Variants in CLEC16A observed in about 807,000 individuals in gnomAD.
The protein encoded by CLEC16A is C-type lectin domain containing 16A, also known as protein CLEC16A.
CLEC16A carries 51 observed loss-of-function variants against 109.5 expected under a neutral mutation model. The observed-to-expected ratio is 0.47, with a 90% CI of 0.37 to 0.59. CLEC16A has a LOEUF of 0.59. Among genes scored for constraint, CLEC16A ranks in the 20% least tolerant of loss-of-function variants. CLEC16A has a pLI of 0.00. For synonymous variants in CLEC16A, 673 were observed against 564.2 expected (o/e 1.19, Z -2.73); for missense variants, 1,339 against 1,394.0 (o/e 0.96, Z 0.63).
At chr16:11,138,879 T>G (rs935166571) in intron 22 of CLEC16A, among the ~76,000 whole-genome samples, 1 of 152,078 alleles carries the variant, frequency 6.6e-6, no homozygotes, top group Non-Finnish European at 1.5e-5. Flanking sequence ...CTTTAACAAA[T>G]AGGCATCTCC....
intron 5 of CLEC16A, among the ~76,000 whole-genome samples, chr16:10,972,067 C>G (rs1355695265): frequency 2.0e-5 from 3 of 152,254 alleles, no homozygotes; most frequent in African/African-American, 7.2e-5. Context: ...GGGTCGCAAA[C>G]TGAGGACCTG....
chr16:11,067,194 T>G (rs534840994), intron 19 of CLEC16A, among the ~76,000 whole-genome samples: 16 of 146,084 alleles, frequency 1.1e-4, no homozygotes, highest in Admixed American at 6.1e-4. Context: ...TTTTTGTTTT[T>G]TTTTTTTTTT....
intron 9 of CLEC16A, among the ~76,000 whole-genome samples, chr16:10,979,772 A>G (rs2043217498): frequency 6.6e-6 from 1 of 152,188 alleles, no homozygotes; most frequent in African/African-American, 2.4e-5. Context: ...GCATACACAC[A>G]GCAACCTTGG....
At chr16:10,967,837 C>G (rs1220880297) in intron 3 of CLEC16A, among the ~76,000 whole-genome samples, 1 of 152,190 alleles carries the variant, frequency 6.6e-6, no homozygotes, top group Non-Finnish European at 1.5e-5. Flanking sequence ...CAGTCCAAGT[C>G]CACGATTAAA....
At chr16:10,952,800 AAATG>A (rs1183211528) in intron 1 of CLEC16A, among the ~76,000 whole-genome samples, 2 of 152,260 alleles carry the variant, frequency 1.3e-5, no homozygotes, top group Non-Finnish European at 2.9e-5. Flanking sequence ...GACATTTAGA[AAATG>A]AATATTTGAA....
At chr16:11,177,988 G>A (rs1374135345) in intron 23 of CLEC16A, among the ~76,000 whole-genome samples, 1 of 152,128 alleles carries the variant, frequency 6.6e-6, no homozygotes. Flanking sequence ...CATCAGGCAG[G>A]CCTGAGATTT....
intron 9 of CLEC16A, among the ~76,000 whole-genome samples, chr16:10,979,758 G>T (rs971809370): frequency 3.9e-5 from 6 of 152,134 alleles, no homozygotes; most frequent in Non-Finnish European, 8.8e-5. Context: ...AGAACCCACA[G>T]CGTGCATACA....
intron 13 of CLEC16A, among the ~76,000 whole-genome samples, chr16:11,031,645 T>G (rs1382847948): frequency 6.6e-6 from 1 of 152,194 alleles, no homozygotes; most frequent in African/African-American, 2.4e-5. Flanking sequence ...CTGGGATCAG[T>G]ATTGGGGATG....
chr16:11,145,525 G>T (rs1374307804), intron 22 of CLEC16A, among the ~76,000 whole-genome samples: 1 of 152,272 alleles, frequency 6.6e-6, no homozygotes, highest in African/African-American at 2.4e-5. Context: ...GCAAAGGGCT[G>T]GGTAACTTCT....
intron 23 of CLEC16A, among the ~76,000 whole-genome samples, chr16:11,175,525 T>C (rs1454394332): frequency 2.0e-5 from 3 of 152,204 alleles, no homozygotes. Flanking sequence ...TTCCCCCCAA[T>C]GAAAACCTGG....
intron 9 of CLEC16A, among the ~76,000 whole-genome samples, chr16:10,981,569 G>C (rs113999119): frequency 0.016 from 2,426 of 152,336 alleles, 62 homozygotes; most frequent in African/African-American, 0.055. Context: ...AACATGGCAT[G>C]TGAAAAGTCT....
chr16:10,948,612 T>C (rs1474851635), intron 1 of CLEC16A, among the ~76,000 whole-genome samples: 3 of 152,228 alleles, frequency 2.0e-5, no homozygotes, highest in South Asian at 2.1e-4. Flanking sequence ...CGTTTTTGTA[T>C]TGTGGCCTTC....
intron 22 of CLEC16A, among the ~76,000 whole-genome samples, chr16:11,151,812 C>T (rs1425490797): frequency 1.3e-5 from 2 of 152,188 alleles, no homozygotes; most frequent in Non-Finnish European, 2.9e-5. Flanking sequence ...AGTACTCAGC[C>T]ACTTTCGGGG....
chr16:11,130,139 T>C (rs1385518029), intron 22 of CLEC16A, among the ~76,000 whole-genome samples: 1 of 152,194 alleles, frequency 6.6e-6, no homozygotes, highest in Non-Finnish European at 1.5e-5. Flanking sequence ...ATAGTCTTTC[T>C]CCCCTGCAGA....
At chr16:11,008,634 T>C (rs890234298) in intron 11 of CLEC16A, among the ~76,000 whole-genome samples, 2 of 151,896 alleles carry the variant, frequency 1.3e-5, no homozygotes, top group Non-Finnish European at 2.9e-5. Context: ...TTTAAACTTA[T>C]GGTAAAATAC....
At chr16:11,113,586 G>T (rs2051751255) in intron 19 of CLEC16A, among the ~76,000 whole-genome samples, 2 of 152,190 alleles carry the variant, frequency 1.3e-5, no homozygotes, top group Admixed American at 1.3e-4. Flanking sequence ...TCGAGCCTGT[G>T]AGGCCGAGGC....
At chr16:10,952,163 TTC>T (rs2041767711) in intron 1 of CLEC16A, among the ~76,000 whole-genome samples, 1 of 152,252 alleles carries the variant, frequency 6.6e-6, no homozygotes, top group Admixed American at 6.5e-5. Context: ...AGTTTCCTAC[TTC>T]TCTAAAGTGA....
Position 10,976,492 on chromosome 16 carries a change from A to C in CLEC16A, c.729-733A>C, listed in dbSNP as rs149961554. Among the ~76,000 whole-genome samples, 6 of 152,320 alleles carry C rather than the reference A, an allele frequency of 3.9e-5. No individual in the cohort carries two copies. In the East Asian group the frequency reaches 9.6e-4, roughly 24 times the overall value. On this transcript the variant is annotated intron_variant, in intron 7 of 23. Transcript: ENST00000409790. ...AAAATGTTAATAGTGGATATTTGTT[A>C]GTGGTGGGTTTGAGACTTTGAATTC... is the stretch of plus-strand genomic sequence containing the variant.
chr16:11,167,540 G>A (rs2068320496), intron 23 of CLEC16A, among the ~76,000 whole-genome samples: 1 of 152,178 alleles, frequency 6.6e-6, no homozygotes, highest in South Asian at 2.1e-4. Context: ...AGCACCAGGA[G>A]CCAAGATCTC....
Sources: gnomAD v4.1 joint callset for allele counts (sites outside exome capture counted in the v4.1 genomes callset) on GRCh38, gnomAD v4.1.1 for gene constraint, MANE v1.5 for transcripts, NCBI Gene and HGNC (gene_info 2026-07-23, HGNC 2026-07-21) for gene names.